PDE4B: variants seen among roughly 807,000 people sequenced by gnomAD.
The protein encoded by PDE4B is phosphodiesterase 4B.
PDE4B carries 20 observed loss-of-function variants against 82.2 expected under a neutral mutation model. That is an observed-to-expected ratio of 0.24 (90% CI 0.17 to 0.35). PDE4B has a LOEUF of 0.35. PDE4B is among the 10% of genes least tolerant of loss of function. The pLI is 1.00. For missense variants in PDE4B, 655 were observed against 907.2 expected (o/e 0.72, Z 3.57); for synonymous variants, 320 against 318.9 (o/e 1.00, Z -0.04).
intron 3 of PDE4B, among the ~76,000 whole-genome samples, chr1:65,923,590 T>A (rs1227412260): frequency 3.3e-5 from 5 of 152,232 alleles, no homozygotes; most frequent in Non-Finnish European, 7.3e-5. Context: ...ATTATTTGCC[T>A]TTTTGCCTGA....
chr1:66,259,324 A>C (rs1654501718), intron 6 of PDE4B, among the ~76,000 whole-genome samples: 1 of 152,186 alleles, frequency 6.6e-6, no homozygotes, highest in Non-Finnish European at 1.5e-5. Context: ...TAGGGCTTAC[A>C]TTCTAATACA....
intron 3 of PDE4B, among the ~76,000 whole-genome samples, chr1:66,106,165 G>A (rs561617904): frequency 5.9e-5 from 9 of 152,130 alleles, no homozygotes; most frequent in Admixed American, 5.2e-4. Context: ...GTTGAATTTT[G>A]TCAAAGGCCT....
At chr1:66,017,482 A>G (rs897131628) in intron 3 of PDE4B, among the ~76,000 whole-genome samples, 1 of 152,202 alleles carries the variant, frequency 6.6e-6, no homozygotes, top group Non-Finnish European at 1.5e-5. Context: ...TTTATTCTGC[A>G]TGTATTCAGT....
At chr1:66,344,874 A>C (rs1661269262) in intron 8 of PDE4B, among the ~76,000 whole-genome samples, 1 of 152,226 alleles carries the variant, frequency 6.6e-6, no homozygotes. Context: ...GAGATTTCTA[A>C]GGCCCATTTC....
At chr1:66,098,093 A>T (rs191943844) in intron 3 of PDE4B, among the ~76,000 whole-genome samples, 1 of 152,086 alleles carries the variant, frequency 6.6e-6, no homozygotes, top group Admixed American at 6.6e-5. Context: ...GACTAACTCT[A>T]TGTAAGCTCT....
intron 7 of PDE4B, among the ~76,000 whole-genome samples, chr1:66,303,224 C>G (rs1057258824): frequency 6.6e-6 from 1 of 152,094 alleles, no homozygotes; most frequent in African/African-American, 2.4e-5. Flanking sequence ...TTCCACATTG[C>G]CCTCAGGGCT....
At chr1:66,242,406 A>C (rs1437657403) in intron 3 of PDE4B, among the ~76,000 whole-genome samples, 1 of 152,198 alleles carries the variant, frequency 6.6e-6, no homozygotes, top group African/African-American at 2.4e-5. Context: ...CATTCTGCGG[A>C]CCTGTGGATT....
At chr1:66,186,047 T>TAC (rs1235229082) in intron 3 of PDE4B, among the ~76,000 whole-genome samples, 1 of 152,220 alleles carries the variant, frequency 6.6e-6, no homozygotes, top group Non-Finnish European at 1.5e-5. Flanking sequence ...TTCAGCTTTC[T>TAC]ACATATGGCT....
chr1:65,839,241 T>G (rs1302786176), intron 1 of PDE4B, among the ~76,000 whole-genome samples: 1 of 151,984 alleles, frequency 6.6e-6, no homozygotes, highest in Admixed American at 6.6e-5. Context: ...TATACTTTCA[T>G]TCAATACCAA....
intron 3 of PDE4B, among the ~76,000 whole-genome samples, chr1:66,073,762 C>T (rs2455029): frequency 1 from 152,309 of 152,310 alleles, 76,154 homozygotes; most frequent in Non-Finnish European, 1. Context: ...TCTGGCACCC[C>T]TGTGGACCAT....
intron 4 of PDE4B, among the ~76,000 whole-genome samples, chr1:66,250,323 C>A (rs1280619364): frequency 6.6e-6 from 1 of 152,162 alleles, no homozygotes; most frequent in Non-Finnish European, 1.5e-5. Context: ...TCATACCCAG[C>A]ACAGAGCTGT....
At chr1:66,273,868 T>C (rs1382132843) in intron 7 of PDE4B, among the ~76,000 whole-genome samples, 1 of 152,260 alleles carries the variant, frequency 6.6e-6, no homozygotes, top group Non-Finnish European at 1.5e-5. Context: ...TCTCAGGACA[T>C]GTGCATAGTG....
intron 9 of PDE4B, among the ~76,000 whole-genome samples, chr1:66,359,049 G>C (rs1662542967): frequency 2.0e-5 from 3 of 152,182 alleles, no homozygotes; most frequent in Non-Finnish European, 2.9e-5. Flanking sequence ...GGGAAACAAA[G>C]CAGGACCTAG....
At chr1:66,057,262 C>A (rs942721058) in intron 3 of PDE4B, among the ~76,000 whole-genome samples, 1 of 152,126 alleles carries the variant, frequency 6.6e-6, no homozygotes, top group Non-Finnish European at 1.5e-5. Flanking sequence ...ACATGTTTCC[C>A]ACTCTTACTA....
chr1:66,185,867 T>C (rs1647189666), intron 3 of PDE4B, among the ~76,000 whole-genome samples: 4 of 152,316 alleles, frequency 2.6e-5, no homozygotes, highest in African/African-American at 4.8e-5. Flanking sequence ...ATTTTGGCTT[T>C]TGTTGCCATT....
At chr1:66,184,317 G>A (rs1647135128) in intron 3 of PDE4B, among the ~76,000 whole-genome samples, 1 of 152,130 alleles carries the variant, frequency 6.6e-6, no homozygotes, top group Non-Finnish European at 1.5e-5. Flanking sequence ...TGAAGAAACA[G>A]AATTATAGGA....
chr1:66,307,209 T>G (rs1463526658), intron 7 of PDE4B, among the ~76,000 whole-genome samples: 1 of 152,028 alleles, frequency 6.6e-6, no homozygotes, highest in Non-Finnish European at 1.5e-5. Flanking sequence ...GACAGTAAAA[T>G]GAGAAAGATA....
rs542285027 is a variant in PDE4B, at chr1:66,336,756, G to A, written c.747+4136G>A. On this transcript the variant is annotated intron_variant, in intron 8 of 16. Coordinates refer to ENST00000341517, the MANE Select transcript of PDE4B (RefSeq NM_002600.4). ...TCTTCTCTTAAGGCATTGTGAAGTC[G>A]GCTACAGATAACCATCATGAGGAAG... is the stretch of plus-strand genomic sequence containing the variant. 9.5e-4 allele frequency among the ~76,000 whole-genome samples: 144 copies of A among 152,226 alleles called. 1 individual carries two copies. Among genetic ancestry groups the A allele is most frequent in the South Asian group, 5.0e-3 (24 of 4,822 alleles).
intron 3 of PDE4B, among the ~76,000 whole-genome samples, chr1:65,949,692 G>A (rs1648894208): frequency 1.3e-5 from 2 of 152,082 alleles, no homozygotes. Context: ...TGAACCAAGA[G>A]AGGAAGTGGA....
Sources: gnomAD v4.1 joint callset for allele counts (sites outside exome capture counted in the v4.1 genomes callset) on GRCh38, gnomAD v4.1.1 for gene constraint, MANE v1.5 for transcripts, NCBI Gene and HGNC (gene_info 2026-07-23, HGNC 2026-07-21) for gene names.